GLB1: variants seen among roughly 807,000 people sequenced by gnomAD.
GLB1 encodes beta-galactosidase.
A neutral mutation model predicts 74.0 loss-of-function variants in GLB1; 56 were observed. The ratio of observed to expected loss-of-function variants is 0.76; its 90% CI spans 0.61 to 0.94. The LOEUF (loss-of-function observed/expected upper bound fraction) is 0.94. GLB1 is among the 40% of genes least tolerant of loss of function. The pLI is 0.00. For missense variants in GLB1, 787 were observed against 845.5 expected (o/e 0.93, Z 0.86); for synonymous variants, 323 against 323.6 (o/e 1.00, Z 0.02).
intron 9 of GLB1, 69 bp downstream of exon 9, chr3:33,051,689 C>A (rs901763718): frequency 6.2e-7 from 1 of 1,608,230 alleles, no homozygotes; most frequent in South Asian, 1.1e-5. Flanking sequence ...TCTGTGGGCA[C>A]ACCCCTCCTC....
intron 15 of GLB1, among the ~76,000 whole-genome samples, chr3:33,000,099 C>A (rs557154396): frequency 6.6e-6 from 1 of 151,958 alleles, no homozygotes; most frequent in East Asian, 1.9e-4. Flanking sequence ...CCCACCATGC[C>A]TGGCTAATTT....
At chr3:33,064,105 G>A (rs1575466149) in intron 5 of GLB1, among the ~76,000 whole-genome samples, 1 of 152,298 alleles carries the variant, frequency 6.6e-6, no homozygotes, top group South Asian at 2.1e-4. Context: ...TGTCCAGGAT[G>A]CAGCCACTTT....
intron 9 of GLB1, among the ~76,000 whole-genome samples, chr3:33,049,153 G>A (rs1698868545): frequency 6.6e-6 from 1 of 152,030 alleles, no homozygotes; most frequent in Non-Finnish European, 1.5e-5. Flanking sequence ...CGGATGATTG[G>A]TCCCGATCCC....
chr3:33,039,005 G>C (rs1698396489), intron 10 of GLB1, among the ~76,000 whole-genome samples: 1 of 151,838 alleles, frequency 6.6e-6, no homozygotes, highest in South Asian at 2.1e-4. Context: ...AGAAAAAAAA[G>C]CCAGGGCCGG....
rs776864727 is a variant in GLB1, at chr3:33,097,105, C to T, written c.-20G>A. On this transcript the variant is annotated 5_prime_UTR_variant, in exon 1 of 16. Coordinates refer to ENST00000307363, the MANE Select transcript of GLB1 (RefSeq NM_000404.4). ...CGGCATGACCACCAGCCTCCCGGCT[C>T]TGCAGTCGGCGCCCAGGCCGGCCGC... 5.0e-6 allele frequency: 8 copies of T among 1,611,328 alleles called. No homozygotes were observed. The East Asian group carries it at 1.6e-4, about 32-fold the overall frequency.
At position 33,093,264 on chromosome 3, in the gene GLB1, C is replaced by T. The variant is rs115075499; in HGVS notation, c.75+3747G>A. ...ACTGCCACCACCACCACGTTGGGCC[C>T]GTGTGGCGGAAATCTTCACGTTCTC... On this transcript the variant is annotated intron_variant, in intron 1 of 15. Coordinates refer to ENST00000307363, the MANE Select transcript of GLB1 (RefSeq NM_000404.4). The surrounding 1 kb of genome is among the most constrained non-coding windows in gnomAD (Gnocchi z 6.0). 2.8e-4 allele frequency: 447 copies of T among 1,614,102 alleles called. 1 individual carries two copies. The African/African-American group carries it at 5.4e-3, about 20-fold the overall frequency.
intron 14 of GLB1, among the ~76,000 whole-genome samples, chr3:33,016,344 C>G (rs1015937013): frequency 4.6e-5 from 7 of 152,192 alleles, no homozygotes; most frequent in Non-Finnish European, 7.3e-5. Context: ...GAAAACAGCT[C>G]TTCAAAATAG....
At chr3:33,056,818 T>C (rs1240541528) in intron 6 of GLB1, among the ~76,000 whole-genome samples, 1 of 152,218 alleles carries the variant, frequency 6.6e-6, no homozygotes, top group African/African-American at 2.4e-5. Flanking sequence ...AGGCATTCTT[T>C]AAATAAACAC....
At chr3:33,096,506 G>T in intron 1 of GLB1, 1 of 985,236 alleles carries the variant, frequency 1.0e-6, no homozygotes, top group Non-Finnish European at 1.2e-6. Flanking sequence ...AAAGGAACAA[G>T]ATGCACGAAG....
At chr3:33,055,411 T>C (rs146419786) in intron 6 of GLB1, among the ~76,000 whole-genome samples, 9 of 152,144 alleles carry the variant, frequency 5.9e-5, no homozygotes, top group Non-Finnish European at 1.3e-4. Context: ...CAGCGCTTTG[T>C]ATTAGGTTGG....
rs1698730453 is a variant in GLB1, at chr3:33,046,122, T to C, written c.1066A>G (p.Lys356Glu). 6.2e-7 allele frequency: 1 copy of C among 1,612,638 alleles called. No homozygotes were observed. The change falls in exon 10 of 16, where the codon AAG (lysine) becomes GAG (glutamate). Residue 356 changes from lysine (K) to glutamate (E), a missense_variant and splice_region_variant. By Grantham distance (56) the Lys-to-Glu change is moderately conservative. Coordinates refer to ENST00000307363, the MANE Select transcript of GLB1 (RefSeq NM_000404.4). Reference protein sequence around the residue: ...KYFALRNIIQKFEKVPEGPIP... With the variant: ...KYFALRNIIQEFEKVPEGPIP... ...CACAGCTCATACAAAGCACCCACCTTCTGGATGATGTTTCGCAGAGCAAAA... is the reference window on the plus strand; with the variant it reads ...CACAGCTCATACAAAGCACCCACCTCCTGGATGATGTTTCGCAGAGCAAAA...
chr3:33,032,172 T>A (rs1698077019), intron 10 of GLB1, among the ~76,000 whole-genome samples: 1 of 152,172 alleles, frequency 6.6e-6, no homozygotes, highest in Middle Eastern at 3.2e-3. Flanking sequence ...CCCCTGGGTT[T>A]GTCTTTTGCT....
chr3:32,985,433 G>A, the GLB1 span, among the ~76,000 whole-genome samples: 1 of 151,194 alleles, frequency 6.6e-6, no homozygotes, highest in African/African-American at 2.4e-5. Flanking sequence ...TGGGATTACA[G>A]GTGCCTGTCA....
chr3:32,966,121 A>T, the GLB1 span, among the ~76,000 whole-genome samples: 1 of 152,188 alleles, frequency 6.6e-6, no homozygotes, highest in Non-Finnish European at 1.5e-5. Flanking sequence ...GAGCTGTGAG[A>T]AGAGGGCCAC....
chr3:33,076,027 A>G (rs997754180), intron 1 of GLB1, among the ~76,000 whole-genome samples: 1 of 149,916 alleles, frequency 6.7e-6, no homozygotes, highest in Non-Finnish European at 1.5e-5. Context: ...CCTGGGCGAC[A>G]GTGCGAGACT....
chr3:33,001,282 T>A (rs1262353484), intron 15 of GLB1, among the ~76,000 whole-genome samples: 2 of 151,596 alleles, frequency 1.3e-5, no homozygotes, highest in African/African-American at 4.8e-5. Context: ...CAGTTGCTAT[T>A]CACAGGCACA....
chr3:32,981,298 G>A, the GLB1 span, among the ~76,000 whole-genome samples: 1 of 149,612 alleles, frequency 6.7e-6, no homozygotes, highest in Non-Finnish European at 1.5e-5. Context: ...AGCTACTCGG[G>A]AGGCTGAGGC....
chr3:33,087,456 G>C (rs1700553806), intron 1 of GLB1, among the ~76,000 whole-genome samples: 1 of 152,052 alleles, frequency 6.6e-6, no homozygotes, highest in Non-Finnish European at 1.5e-5. Context: ...TGTGGTCCTG[G>C]CTACTTGGGA....
chr3:33,067,666 A>G (rs1417296008), intron 4 of GLB1, among the ~76,000 whole-genome samples: 1 of 152,204 alleles, frequency 6.6e-6, no homozygotes, highest in East Asian at 1.9e-4. Flanking sequence ...CAGTTGGTCA[A>G]CCGCAAACAG....
Sources: allele counts gnomAD v4.1 joint callset (sites outside exome capture counted in the v4.1 genomes callset), GRCh38; gene constraint gnomAD v4.1.1; non-coding constraint Gnocchi (gnomAD v3.1); transcripts MANE v1.5; gene names NCBI Gene and HGNC (gene_info 2026-07-23, HGNC 2026-07-21).